Variants in STK31 observed in about 807,000 individuals in gnomAD.
The protein encoded by STK31 is serine/threonine kinase 31.
STK31 carries 89 observed loss-of-function variants against 129.7 expected under a neutral mutation model. The ratio of observed to expected loss-of-function variants is 0.69; its 90% CI spans 0.58 to 0.82. The LOEUF (loss-of-function observed/expected upper bound fraction) is 0.82. Ranked by LOEUF, STK31 falls within the 40% of genes least tolerant of loss-of-function variation. The pLI is 0.00. For missense variants in STK31, 1,187 were observed against 1,176.4 expected (o/e 1.01, Z -0.13); for synonymous variants, 448 against 395.3 (o/e 1.13, Z -1.58).
chr7:23,806,567 T>C (rs111344973), intron 22 of STK31, among the ~76,000 whole-genome samples: 2,154 of 152,200 alleles, frequency 0.014, 40 homozygotes, highest in African/African-American at 0.049. Flanking sequence ...GACTGGGGAA[T>C]AGAACTCATT....
intron 8 of STK31, among the ~76,000 whole-genome samples, chr7:23,752,098 A>G (rs1348879435): frequency 6.6e-6 from 1 of 152,192 alleles, no homozygotes; most frequent in African/African-American, 2.4e-5. Context: ...CAACAGAACT[A>G]TACATTTTAA....
rs572003338 is a variant in STK31, at chr7:23,771,048, G to T, written c.1757G>T (p.Ser586Ile). 9.9e-6 allele frequency: 16 copies of T among 1,612,706 alleles called. No homozygotes were observed. In the East Asian group the frequency reaches 2.2e-4, roughly 23 times the overall value. ...ADKEIISNTY[S>I]QVLQKIHSEE... ...AAGGAGATAATTTCAAATACATATA[G>T]TCAAGTACTGCAAAAGATTCATTCA... Residue 586 changes from serine (S) to isoleucine (I), a missense_variant, in exon 14 of 24, where the codon AGT (serine) becomes ATT (isoleucine). By Grantham distance (142) the Ser-to-Ile change is moderately radical. Transcript: ENST00000355870.
At chr7:23,762,044 G>A (rs1352843561) in intron 10 of STK31, among the ~76,000 whole-genome samples, 1 of 151,326 alleles carries the variant, frequency 6.6e-6, no homozygotes, top group East Asian at 1.9e-4. Flanking sequence ...AAGTGTATGT[G>A]CCAGACACTG....
At chr7:23,823,196 A>G (rs1168442869) in intron 23 of STK31, among the ~76,000 whole-genome samples, 1 of 152,226 alleles carries the variant, frequency 6.6e-6, no homozygotes, top group Non-Finnish European at 1.5e-5. Context: ...TGGTTGAACT[A>G]GTTTACAGTC....
rs763875225 is a variant in STK31 at position 23,787,962 on chromosome 7, A to G, written c.2488-18A>G. 3.3e-6 allele frequency: 5 copies of G among 1,504,642 alleles called. No individual in the cohort carries two copies. The highest frequency in any genetic ancestry group is 4.4e-6 in the Non-Finnish European group (5 of 1,125,834). The allele number at this position is 1,504,642 out of a possible 1,614,324, so 93.2% of individuals were successfully genotyped here. A position where few individuals can be genotyped will look rare whatever the true frequency, so the allele number is the denominator to read the frequency against. The stretch of plus-strand genomic sequence containing the variant: ...ATTTGCCTACTTCCTCACTTCTTTT[A>G]TGTGTACTTATCTATAGGAAACTTT... On this transcript the variant is annotated intron_variant, in intron 20 of 23. Transcript: ENST00000355870.
chr7:23,783,436 T>A, intron 16 of STK31, 147 bp from the exon 17 acceptor site: 1 of 512,042 alleles, frequency 2.0e-6, no homozygotes, highest in Non-Finnish European at 3.3e-6. Context: ...TCACTTGTTA[T>A]TTCTTGAAGT....
intron 1 of STK31, among the ~76,000 whole-genome samples, chr7:23,711,442 AC>A (rs112611604): frequency 0.26 from 38,124 of 149,010 alleles, 5,401 homozygotes; most frequent in African/African-American, 0.4. Context: ...AAAAAAAAAA[AC>A]CCATAAAAAA....
At chr7:23,776,857 C>T (rs1000864744) in intron 15 of STK31, among the ~76,000 whole-genome samples, 2 of 152,134 alleles carry the variant, frequency 1.3e-5, no homozygotes, top group African/African-American at 4.8e-5. Context: ...TTCTTGTCTT[C>T]TACTAGCTTT....
At chr7:23,753,157 C>T (rs377556442) in intron 9 of STK31, among the ~76,000 whole-genome samples, 3 of 152,302 alleles carry the variant, frequency 2.0e-5, no homozygotes, top group East Asian at 3.9e-4. Context: ...AGGAGTACAG[C>T]ATGTCCTTGA....
intron 15 of STK31, among the ~76,000 whole-genome samples, chr7:23,774,215 T>C (rs1351756303): frequency 6.6e-6 from 1 of 152,252 alleles, no homozygotes; most frequent in East Asian, 1.9e-4. Context: ...AAGTCTTTGC[T>C]ATTGTGAATA....
intron 18 of STK31, among the ~76,000 whole-genome samples, chr7:23,786,257 A>G (rs1401366482): frequency 2.0e-5 from 3 of 152,102 alleles, no homozygotes; most frequent in South Asian, 2.1e-4. Flanking sequence ...ACTGTTAATC[A>G]TGATAATAAG....
At chr7:23,735,461 T>C in intron 6 of STK31, 77 bp from the exon 7 acceptor site, 3 of 1,303,132 alleles carry the variant, frequency 2.3e-6, no homozygotes, top group Non-Finnish European at 3.2e-6. Context: ...ATATGATGCT[T>C]GGAAAAAATG....
chr7:23,777,521 G>A (rs12234445), intron 15 of STK31, among the ~76,000 whole-genome samples: 1 of 151,994 alleles, frequency 6.6e-6, no homozygotes, highest in Non-Finnish European at 1.5e-5. Context: ...CCTGTATTGG[G>A]TGCATATATA....
chr7:23,786,462 G>T, intron 18 of STK31, 46 bp from the exon 19 acceptor site: 1 of 1,549,718 alleles, frequency 6.5e-7, no homozygotes, highest in Non-Finnish European at 8.7e-7. Flanking sequence ...TAATTATAAT[G>T]AGATTTTCAT....
At chr7:23,735,229 T>G (rs1787649388) in intron 6 of STK31, among the ~76,000 whole-genome samples, 1 of 152,158 alleles carries the variant, frequency 6.6e-6, no homozygotes, top group Non-Finnish European at 1.5e-5. Flanking sequence ...TATATTTAGT[T>G]GGGGCCAAAG....
intron 4 of STK31, among the ~76,000 whole-genome samples, chr7:23,720,787 A>G (rs1236202510): frequency 6.6e-6 from 1 of 152,164 alleles, no homozygotes; most frequent in Non-Finnish European, 1.5e-5. Context: ...AAATTATTCA[A>G]TATCTTGTAC....
chr7:23,733,838 C>T (rs1438774567), intron 6 of STK31, among the ~76,000 whole-genome samples: 1 of 151,818 alleles, frequency 6.6e-6, no homozygotes, highest in African/African-American at 2.4e-5. Flanking sequence ...AAAAATGTGT[C>T]CCAATGAAAT....
chr7:23,792,237 C>T (rs182524717), intron 22 of STK31, among the ~76,000 whole-genome samples: 278 of 152,156 alleles, frequency 1.8e-3, no homozygotes, highest in African/African-American at 6.6e-3. Context: ...TGTAGAAAAT[C>T]TTTGAGAATG....
intron 4 of STK31, chr7:23,725,902 T>G (rs1285187419): frequency 6.6e-6 from 1 of 152,152 alleles, no homozygotes; most frequent in Admixed American, 6.5e-5. Context: ...TCCACAAATA[T>G]TAGAAGGTGA....
Sources: gnomAD v4.1 joint callset for allele counts (sites outside exome capture counted in the v4.1 genomes callset) on GRCh38, gnomAD v4.1.1 for gene constraint, MANE v1.5 for transcripts, NCBI Gene and HGNC (gene_info 2026-07-23, HGNC 2026-07-21) for gene names.